The following ARHGEF37 variants were observed in gnomAD, a reference collection of about 807,000 sequenced individuals.
The protein encoded by ARHGEF37 is Rho guanine nucleotide exchange factor 37.
ARHGEF37 carries 55 observed loss-of-function variants against 71.1 expected under a neutral mutation model. That is an observed-to-expected ratio of 0.77 (90% CI 0.62 to 0.97). ARHGEF37 has a LOEUF of 0.97. Among genes scored for constraint, ARHGEF37 ranks in the 50% least tolerant of loss-of-function variants. ARHGEF37 has a pLI of 0.00. For missense variants in ARHGEF37, 765 were observed against 836.8 expected, an observed-to-expected ratio of 0.91 and a Z score of 1.06; for synonymous variants, 327 against 350.6, an observed-to-expected ratio of 0.93 and a Z score of 0.75.
intron 4 of ARHGEF37, among the ~76,000 whole-genome samples, chr5:149,614,717 C>T (rs1451325586): frequency 2.6e-5 from 4 of 152,172 alleles, no homozygotes; most frequent in East Asian, 3.8e-4. Context: ...AGATGACCAG[C>T]GTAGGCGTCT....
intron 3 of ARHGEF37, among the ~76,000 whole-genome samples, chr5:149,605,105 T>A (rs1026093781): frequency 6.6e-6 from 1 of 151,428 alleles, no homozygotes; most frequent in South Asian, 2.1e-4. Flanking sequence ...TGGGTGCCTG[T>A]AATCTCAGCT....
At chr5:149,576,347 C>T (rs551279907) in intron 1 of ARHGEF37, among the ~76,000 whole-genome samples, 1 of 152,302 alleles carries the variant, frequency 6.6e-6, no homozygotes, top group South Asian at 2.1e-4. Context: ...AGGTTTCAGT[C>T]CCAGTTCTGT....
intron 5 of ARHGEF37, among the ~76,000 whole-genome samples, chr5:149,617,546 CT>C (rs1752414036): frequency 6.6e-6 from 1 of 152,220 alleles, no homozygotes; most frequent in African/African-American, 2.4e-5. Context: ...CATATTTGGT[CT>C]TTGCACTAAC....
chr5:149,560,789 T>C (rs1007464899), intron 1 of ARHGEF37, among the ~76,000 whole-genome samples: 1 of 152,116 alleles, frequency 6.6e-6, no homozygotes, highest in Admixed American at 6.6e-5. Context: ...GTGCCATTTA[T>C]TGATGATGAC....
intron 11 of ARHGEF37, among the ~76,000 whole-genome samples, chr5:149,628,568 A>G (rs1752771459): frequency 6.6e-6 from 1 of 152,164 alleles, no homozygotes; most frequent in South Asian, 2.1e-4. Flanking sequence ...AGTCTCTATC[A>G]TAGCTGATCA....
chr5:149,564,075 C>T (rs1264415604), intron 1 of ARHGEF37, among the ~76,000 whole-genome samples: 1 of 150,904 alleles, frequency 6.6e-6, no homozygotes, highest in East Asian at 1.9e-4. Flanking sequence ...GCCTCAGCCT[C>T]CTGAGTTGCT....
Position 149,573,272 on chromosome 5 carries a change from T to C in ARHGEF37, c.-12+21149T>C, listed in dbSNP as rs1762989374. Among the ~76,000 whole-genome samples the C allele has an allele frequency of 2.0e-5, 3 of 152,222 alleles. No individual in the cohort carries two copies. In the South Asian group the frequency reaches 6.2e-4, roughly 32 times the overall value. ...CAACACCACCACATGGGAACAAATT[T>C]CAACATGAGTTTTGGTAGGGACAAA... On this transcript the variant is annotated intron_variant, in intron 1 of 2. Coordinates refer to the ARHGEF37 transcript ENST00000505810.
intron 3 of ARHGEF37, among the ~76,000 whole-genome samples, chr5:149,607,650 T>C (rs1763951255): frequency 6.6e-6 from 1 of 152,078 alleles, no homozygotes; most frequent in Non-Finnish European, 1.5e-5. Flanking sequence ...CATTGGTTCT[T>C]ACAGGTTTTG....
intron 4 of ARHGEF37, among the ~76,000 whole-genome samples, chr5:149,615,446 C>T (rs1752348420): frequency 6.6e-6 from 1 of 151,924 alleles, no homozygotes; most frequent in African/African-American, 2.4e-5. Flanking sequence ...GTGATAGATA[C>T]ATACCCACCA....
At chr5:149,568,811 CAAAAAAAAAA>C (rs748620450) in intron 1 of ARHGEF37, among the ~76,000 whole-genome samples, 66 of 57,396 alleles carry the variant, frequency 1.1e-3, no homozygotes, top group Non-Finnish European at 2.2e-3. Context: ...GACTCCATCT[CAAAAAAAAAA>C]AAAAAAAAAA....
chr5:149,630,333 T>A (rs1286192555), intron 12 of ARHGEF37, among the ~76,000 whole-genome samples: 1 of 152,046 alleles, frequency 6.6e-6, no homozygotes, highest in Non-Finnish European at 1.5e-5. Context: ...ATTGTGAACC[T>A]CCCTCAATGG....
At chr5:149,613,013 C>T (rs921172981) in intron 4 of ARHGEF37, among the ~76,000 whole-genome samples, 1 of 152,156 alleles carries the variant, frequency 6.6e-6, no homozygotes, top group African/African-American at 2.4e-5. Flanking sequence ...TAGGACTGTC[C>T]TAATGGTAGA....
At chr5:149,574,243 T>G (rs1763001436) in intron 1 of ARHGEF37, among the ~76,000 whole-genome samples, 1 of 152,122 alleles carries the variant, frequency 6.6e-6, no homozygotes, top group Admixed American at 6.5e-5. Flanking sequence ...CTAGCAGAGG[T>G]GCACTAACAG....
intron 1 of ARHGEF37, among the ~76,000 whole-genome samples, chr5:149,589,646 C>T (rs1580896280): frequency 6.6e-6 from 1 of 152,112 alleles, no homozygotes; most frequent in East Asian, 1.9e-4. Context: ...ATTACAGGTA[C>T]CCGCCATCAC....
At chr5:149,613,909 G>A (rs950803959) in intron 4 of ARHGEF37, among the ~76,000 whole-genome samples, 1 of 151,888 alleles carries the variant, frequency 6.6e-6, no homozygotes. Context: ...GACTACAGGT[G>A]TGTGCCACCA....
At position 149,622,111 on chromosome 5, in the gene ARHGEF37, C is replaced by A. The variant is rs538019002; in HGVS notation, c.1335+49C>A. 105 of 1,515,182 alleles carry A rather than the reference C, an allele frequency of 6.9e-5. 1 individual carries two copies. The South Asian group carries it at 1.2e-3, about 18-fold the overall frequency. The allele number at this position is 1,515,182 out of a possible 1,614,324, so 93.9% of individuals were successfully genotyped here. A position where few individuals can be genotyped will look rare whatever the true frequency, so the allele number is the denominator to read the frequency against. The stretch of plus-strand genomic sequence containing the variant: ...CCTGTGGGGAGTAGCCAGGCAAGGC[C>A]CTGCAGCCCCATCAGCCAGCTGTGT... On this transcript the variant is annotated intron_variant, in intron 9 of 12. Transcript: ENST00000333677.
chr5:149,620,406 C>T lies in ARHGEF37; in HGVS notation c.947C>T (p.Pro316Leu). ...TACAATCTGGACATCCCCGAGGGGC[C>T]TGCAGTGCAGTATTGCAATTTGGCA... ...HEYNLDIPEG[P>L]AVQYCNLARD... Residue 316 changes from proline to leucine, a missense_variant, in exon 8 of 13, where the codon CCT becomes CTT. By Grantham distance (98) the Pro-to-Leu change is moderately conservative. This residue lies in a region of ARHGEF37 where 167 missense variants were observed against 173.3 expected (regional missense o/e 0.96). Transcript: ENST00000333677. 1 of 1,612,882 alleles carries T rather than the reference C, an allele frequency of 6.2e-7. No homozygotes were observed. The highest frequency in any genetic ancestry group is 1.3e-5 in the African/African-American group (1 of 74,932).
intron 4 of ARHGEF37, among the ~76,000 whole-genome samples, chr5:149,612,484 T>C (rs1379680469): frequency 6.6e-6 from 1 of 152,194 alleles, no homozygotes; most frequent in Admixed American, 6.5e-5. Flanking sequence ...GACTTTCTTA[T>C]TTATGATAAG....
At position 149,560,679 on chromosome 5, in the gene ARHGEF37, T is replaced by G. The variant is rs145779259; in HGVS notation, c.-12+8556T>G. Among the ~76,000 whole-genome samples the G allele has an allele frequency of 3.6e-3, 543 of 152,196 alleles. 2 individuals carry two copies. The highest frequency in any genetic ancestry group is 0.013 in the African/African-American group (524 of 41,536). ...GGCTCATGCCTGTAATCCCAACACT[T>G]TGGAGGGCGAGGGGGCAGATGACTT... On this transcript the variant is annotated intron_variant, in intron 1 of 2. Coordinates refer to the ARHGEF37 transcript ENST00000505810.
Sources: gnomAD v4.1 joint callset for allele counts (sites outside exome capture counted in the v4.1 genomes callset) on GRCh38, gnomAD v4.1.1 for gene constraint, gnomAD v4.1.1 regional missense constraint, MANE v1.5 for transcripts, NCBI Gene and HGNC (gene_info 2026-07-23, HGNC 2026-07-21) for gene names.